The following LHFPL3 variants were observed in gnomAD, a reference collection of about 807,000 sequenced individuals.
LHFPL3 encodes the protein LHFPL tetraspan subfamily member 3 protein.
A neutral mutation model predicts 19.3 loss-of-function variants in LHFPL3; 5 were observed. The ratio of observed to expected loss-of-function variants is 0.26; its 90% CI spans 0.14 to 0.54. The LOEUF (loss-of-function observed/expected upper bound fraction) is 0.54, where lower values mean the gene tolerates loss of function less well. Ranked by LOEUF, LHFPL3 falls within the 20% of genes least tolerant of loss-of-function variation. The pLI is 0.94. For missense variants in LHFPL3, 249 were observed against 307.4 expected (o/e 0.81, Z 1.42); for synonymous variants, 133 against 126.2 (o/e 1.05, Z -0.36).
intron 1 of LHFPL3, among the ~76,000 whole-genome samples, chr7:104,675,392 G>A (rs1052809297): frequency 4.6e-5 from 7 of 152,140 alleles, no homozygotes; most frequent in Non-Finnish European, 1.0e-4. Flanking sequence ...ACTTCCTTTG[G>A]CCTTCGCTCT....
chr7:104,440,849 C>G (rs1396242093), intron 1 of LHFPL3, among the ~76,000 whole-genome samples: 1 of 151,916 alleles, frequency 6.6e-6, no homozygotes. Context: ...TTTCTTTTGG[C>G]TTTAAAAAGA....
intron 1 of LHFPL3, among the ~76,000 whole-genome samples, chr7:104,530,090 A>C (rs762161911): frequency 6.6e-6 from 1 of 152,208 alleles, no homozygotes; most frequent in Non-Finnish European, 1.5e-5. Context: ...AATGTTAAAA[A>C]TAGTGTGATG....
intron 1 of LHFPL3, among the ~76,000 whole-genome samples, chr7:104,581,876 G>A (rs1308260528): frequency 1.3e-5 from 2 of 151,934 alleles, no homozygotes; most frequent in Non-Finnish European, 2.9e-5. Flanking sequence ...ACACTGTCTT[G>A]ATTAATGTAG....
In LHFPL3 at chr7:104,906,182, T is replaced by G; in HGVS notation, c.683-5T>G. ...TTTTCTCTCTCTTCCCTCCAATTTCTGCAGTTCTGCTAAGCCAATATTCTC... is the reference window on the plus strand; with the variant it reads ...TTTTCTCTCTCTTCCCTCCAATTTCGGCAGTTCTGCTAAGCCAATATTCTC... On this transcript the variant is annotated splice_polypyrimidine_tract_variant and splice_region_variant and intron_variant, in intron 2 of 2. Coordinates refer to ENST00000424859, the MANE Select transcript of LHFPL3 (RefSeq NM_199000.3). 6.2e-7 allele frequency: 1 copy of G among 1,610,196 alleles called. No homozygotes were observed. The highest frequency in any genetic ancestry group is 1.1e-5 in the South Asian group (1 of 89,898).
chr7:104,765,939 C>A (rs945591296), intron 2 of LHFPL3, among the ~76,000 whole-genome samples: 8 of 152,216 alleles, frequency 5.3e-5, no homozygotes, highest in African/African-American at 1.9e-4. Flanking sequence ...TGCATCCAAC[C>A]TCCACACTCC....
chr7:104,818,209 T>G (rs1416393392), intron 2 of LHFPL3, among the ~76,000 whole-genome samples: 1 of 152,212 alleles, frequency 6.6e-6, no homozygotes, highest in Non-Finnish European at 1.5e-5. Flanking sequence ...TTTCCTGTTC[T>G]ATTTTATTTT....
intron 1 of LHFPL3, among the ~76,000 whole-genome samples, chr7:104,508,185 G>T (rs10261966): frequency 6.6e-6 from 1 of 151,872 alleles, no homozygotes; most frequent in African/African-American, 2.4e-5. Context: ...CATTATTCAC[G>T]ATCGCAAACA....
chr7:104,586,872 A>T (rs4730025), intron 1 of LHFPL3, among the ~76,000 whole-genome samples: 28,398 of 152,108 alleles, frequency 0.19, 2,867 homozygotes, highest in East Asian at 0.38. Context: ...CGGAAAAGTC[A>T]ATAGAGCTTT....
intron 1 of LHFPL3, among the ~76,000 whole-genome samples, chr7:104,682,874 T>C (rs1792733876): frequency 6.6e-6 from 1 of 152,226 alleles, no homozygotes; most frequent in Admixed American, 6.5e-5. Context: ...ATAAAAGCAA[T>C]ACATGCTTGC....
intron 1 of LHFPL3, among the ~76,000 whole-genome samples, chr7:104,566,597 A>G (rs916050503): frequency 2.6e-5 from 4 of 152,196 alleles, no homozygotes; most frequent in African/African-American, 9.7e-5. Flanking sequence ...AGCCCGTACC[A>G]TGAGTCTGAC....
At chr7:104,686,554 G>T (rs1346878990) in intron 1 of LHFPL3, among the ~76,000 whole-genome samples, 2 of 152,084 alleles carry the variant, frequency 1.3e-5, no homozygotes, top group East Asian at 3.9e-4. Flanking sequence ...TAATTCTCTG[G>T]TGGACACCTG....
intron 2 of LHFPL3, among the ~76,000 whole-genome samples, chr7:104,896,406 G>A (rs1444797417): frequency 6.6e-6 from 1 of 152,208 alleles, no homozygotes; most frequent in African/African-American, 2.4e-5. Flanking sequence ...CCACTTGGAT[G>A]GGTGAAGTGG....
At chr7:104,590,206 G>GAT (rs1790680195) in intron 1 of LHFPL3, among the ~76,000 whole-genome samples, 3 of 151,992 alleles carry the variant, frequency 2.0e-5, no homozygotes, top group Non-Finnish European at 4.4e-5. Context: ...TGTGATGTTA[G>GAT]GGTGTCAATT....
At chr7:104,603,288 A>G (rs1244629610) in intron 1 of LHFPL3, among the ~76,000 whole-genome samples, 1 of 151,564 alleles carries the variant, frequency 6.6e-6, no homozygotes, top group Non-Finnish European at 1.5e-5. Flanking sequence ...CTTGACTTCC[A>G]AGGCCCAAGC....
chr7:104,343,532 A>G (rs1790001595), intron 1 of LHFPL3, among the ~76,000 whole-genome samples: 1 of 102,042 alleles, frequency 9.8e-6, no homozygotes, highest in South Asian at 2.9e-4. Flanking sequence ...AAAAAAAAAA[A>G]AAAAAAAAAA....
intron 1 of LHFPL3, among the ~76,000 whole-genome samples, chr7:104,629,809 A>G (rs1054883477): frequency 6.6e-6 from 1 of 152,178 alleles, no homozygotes; most frequent in African/African-American, 2.4e-5. Flanking sequence ...GCTTGACACA[A>G]TGTTGCAGCC....
chr7:104,516,549 C>A (rs955186245), intron 1 of LHFPL3, among the ~76,000 whole-genome samples: 1 of 151,972 alleles, frequency 6.6e-6, no homozygotes, highest in Non-Finnish European at 1.5e-5. Flanking sequence ...TAATTGAAAT[C>A]AACATGACTG....
chr7:104,652,819 A>G (rs1409221723), intron 1 of LHFPL3, among the ~76,000 whole-genome samples: 1 of 151,474 alleles, frequency 6.6e-6, no homozygotes, highest in East Asian at 2.0e-4. Context: ...ACTGAGCTCA[A>G]TTTCAATCTG....
intron 2 of LHFPL3, among the ~76,000 whole-genome samples, chr7:104,834,585 G>A (rs1204773651): frequency 1.3e-5 from 2 of 152,040 alleles, no homozygotes; most frequent in Non-Finnish European, 2.9e-5. Flanking sequence ...TGTCGCAGTT[G>A]CCCTTGTCAA....
Sources: gnomAD v4.1 joint callset for allele counts (sites outside exome capture counted in the v4.1 genomes callset) on GRCh38, gnomAD v4.1.1 for gene constraint, MANE v1.5 for transcripts, NCBI Gene and HGNC (gene_info 2026-07-23, HGNC 2026-07-21) for gene names.